The following CACNA1C variants were observed in gnomAD, a reference collection of about 807,000 sequenced individuals.
CACNA1C encodes voltage-dependent L-type calcium channel subunit alpha-1C.
Under a neutral mutation model 229.0 loss-of-function variants are expected in CACNA1C, and 30 were observed. That is an observed-to-expected ratio of 0.13 (90% CI 0.10 to 0.18). CACNA1C has a LOEUF of 0.18. Among genes scored for constraint, CACNA1C ranks in the 10% least tolerant of loss-of-function variants. CACNA1C has a pLI of 1.00. For missense variants in CACNA1C, 1,658 were observed against 2,845.0 expected (o/e 0.58, Z 9.49); for synonymous variants, 1,114 against 1,132.5 (o/e 0.98, Z 0.33).
intron 3 of CACNA1C, among the ~76,000 whole-genome samples, chr12:2,232,916 C>G (rs538602546): frequency 1.3e-5 from 2 of 152,260 alleles, no homozygotes; most frequent in African/African-American, 4.8e-5. Flanking sequence ...GGCTTCTGTG[C>G]CTCTTGACAT....
rs1051903309 is a variant in CACNA1C, at chr12:2,285,780, C to T, written c.478-163196C>T. 6.6e-6 allele frequency among the ~76,000 whole-genome samples: 1 copy of T among 152,156 alleles called. No homozygotes were observed. Among genetic ancestry groups the T allele is most frequent in the Non-Finnish European group, 1.5e-5 (1 of 68,036 alleles). On this transcript the variant is annotated intron_variant, in intron 3 of 46. Transcript: ENST00000399655. This position sits in a 1 kb window ranked among gnomAD's most constrained non-coding sequence, Gnocchi z 4.2. The stretch of plus-strand genomic sequence containing the variant: ...TTCGAGAGAGGCTGGTGCGCACCTA[C>T]CCAGCGGCTTTTTGGGCGGCAGTGG...
At chr12:2,083,407 C>T (rs569653979) in intron 1 of CACNA1C, among the ~76,000 whole-genome samples, 4 of 152,312 alleles carry the variant, frequency 2.6e-5, no homozygotes, top group East Asian at 1.9e-4. Flanking sequence ...AAGAGCATTT[C>T]GACTCTCCCA....
chr12:2,558,351 A>T (rs13377723), intron 11 of CACNA1C, among the ~76,000 whole-genome samples: 3 of 141,204 alleles, frequency 2.1e-5, no homozygotes, highest in Non-Finnish European at 3.2e-5. Context: ...GCTGGAGTCC[A>T]TGCCCTTAGG....
intron 1 of CACNA1C, among the ~76,000 whole-genome samples, chr12:2,021,011 G>A (rs370533354): frequency 1.4e-3 from 220 of 152,292 alleles, no homozygotes; most frequent in Non-Finnish European, 2.9e-3. Flanking sequence ...TCCAGGGTAA[G>A]TAGGAAAATA....
At chr12:2,513,616 G>C (rs1399789095) in intron 9 of CACNA1C, among the ~76,000 whole-genome samples, 1 of 152,194 alleles carries the variant, frequency 6.6e-6, no homozygotes, top group African/African-American at 2.4e-5. Context: ...ATAGGCTGTG[G>C]CTGAGATAGA....
intron 43 of CACNA1C, 114 bp downstream of exon 43, chr12:2,682,792 T>C: frequency 1.0e-6 from 1 of 998,166 alleles, no homozygotes; most frequent in South Asian, 1.7e-5. Flanking sequence ...GGAGAGGAGA[T>C]CACAGAGAAA....
chr12:2,480,605 A>G (rs148226869), intron 5 of CACNA1C, among the ~76,000 whole-genome samples: 62 of 152,290 alleles, frequency 4.1e-4, no homozygotes, highest in African/African-American at 1.4e-3. Flanking sequence ...AAATGAAGGT[A>G]TTGGGTTAGG....
chr12:2,615,993 C>T (rs1419891380), intron 29 of CACNA1C, among the ~76,000 whole-genome samples: 2 of 152,208 alleles, frequency 1.3e-5, no homozygotes, highest in African/African-American at 2.4e-5. Context: ...AGCTGAGACT[C>T]ACCTCTGCCC....
chr12:1,987,716 C>G (rs1261637245), intron 1 of CACNA1C, among the ~76,000 whole-genome samples: 1 of 152,214 alleles, frequency 6.6e-6, no homozygotes, highest in Non-Finnish European at 1.5e-5. Flanking sequence ...AATTCACACA[C>G]AGATACACAC....
chr12:2,430,081 G>A (rs1203475813), intron 3 of CACNA1C, among the ~76,000 whole-genome samples: 1 of 152,168 alleles, frequency 6.6e-6, no homozygotes, highest in East Asian at 1.9e-4. Flanking sequence ...TTCGTGGATG[G>A]CTGTATTTTT....
chr12:2,595,318 T>A lies in CACNA1C; in HGVS notation c.2664-556T>A, dbSNP rs1441964620. ...TTCCTACATTGCTGTCAAGATGAGATGGTGTACAAGACACTTTGGCATTTA... is the reference window on the plus strand; with the variant it reads ...TTCCTACATTGCTGTCAAGATGAGAAGGTGTACAAGACACTTTGGCATTTA... On this transcript the variant is annotated intron_variant, in intron 19 of 46. Coordinates refer to ENST00000399655, the MANE Select transcript of CACNA1C (RefSeq NM_000719.7). The surrounding 1 kb of genome is among the most constrained non-coding windows in gnomAD (Gnocchi z 4.1). Among the ~76,000 whole-genome samples the A allele has an allele frequency of 6.6e-6, 1 of 152,200 alleles. No individual in the cohort carries two copies. Among genetic ancestry groups the A allele is most frequent in the Non-Finnish European group, 1.5e-5 (1 of 68,036 alleles).
Position 2,661,466 on chromosome 12 carries a change from T to TA in CACNA1C, c.4233-3350dup, listed in dbSNP as rs201145324. Among the ~76,000 whole-genome samples the TA allele has an allele frequency of 1.2e-3, 181 of 151,020 alleles. 1 individual carries two copies. The highest frequency in any genetic ancestry group is 1.8e-3 in the Non-Finnish European group (120 of 67,684). On this transcript the variant is annotated intron_variant, in intron 34 of 46. Coordinates refer to ENST00000399655, the MANE Select transcript of CACNA1C (RefSeq NM_000719.7). ...AGAATTATAAAATTATCTTAAGAATTAAAAAAAAACAACTACAACAGAAAT... is the reference window on the plus strand; with the variant it reads ...AGAATTATAAAATTATCTTAAGAATTAAAAAAAAAACAACTACAACAGAAAT...
In CACNA1C at chr12:2,601,057, T is replaced by C. The variant is rs215987; in HGVS notation, c.2854-797T>C. Among the ~76,000 whole-genome samples the C allele has an allele frequency of 0.32, 47,981 of 152,154 alleles. 8,961 individuals carry two copies. Among genetic ancestry groups the C allele is most frequent in the African/African-American group, 0.51 (21,355 of 41,488 alleles). On this transcript the variant is annotated intron_variant, in intron 21 of 46. Transcript: ENST00000399655. The surrounding 1 kb of genome is among the most constrained non-coding windows in gnomAD (Gnocchi z 5.9). ...AGGTCTGGGATTCCAGCCCAGGCCG[T>C]CTGGCCTCAGAGCCTGTGCTCTTAG... is the stretch of plus-strand genomic sequence containing the variant.
At chr12:2,686,439 G>A (rs906056215) in intron 45 of CACNA1C, among the ~76,000 whole-genome samples, 170 bp downstream of exon 45, 2 of 152,234 alleles carry the variant, frequency 1.3e-5, no homozygotes, top group Non-Finnish European at 2.9e-5. Context: ...TCCTGTGCAG[G>A]TGAGGGCCAC....
At chr12:2,473,223 T>G (rs2099602324) in intron 5 of CACNA1C, among the ~76,000 whole-genome samples, 1 of 152,162 alleles carries the variant, frequency 6.6e-6, no homozygotes, top group Non-Finnish European at 1.5e-5. Flanking sequence ...TGGTTTCACC[T>G]TGTACCTGTA....
chr12:2,273,877 A>G (rs1203536477), intron 3 of CACNA1C, among the ~76,000 whole-genome samples: 1 of 152,188 alleles, frequency 6.6e-6, no homozygotes, highest in Non-Finnish European at 1.5e-5. Flanking sequence ...AAATGCCTGG[A>G]CAGCACGTGT....
At chr12:2,420,293 G>A (rs1250993145) in intron 3 of CACNA1C, among the ~76,000 whole-genome samples, 1 of 152,112 alleles carries the variant, frequency 6.6e-6, no homozygotes, top group Non-Finnish European at 1.5e-5. Context: ...AGCTGCCACT[G>A]TTAATTCATA....
intron 5 of CACNA1C, among the ~76,000 whole-genome samples, chr12:2,484,947 T>A (rs1404181869): frequency 1.3e-5 from 2 of 150,308 alleles, no homozygotes; most frequent in African/African-American, 4.9e-5. Flanking sequence ...GCTTAATAGC[T>A]GGGAAGAATC....
intron 3 of CACNA1C, among the ~76,000 whole-genome samples, chr12:2,437,927 G>C (rs1002493504): frequency 6.6e-6 from 1 of 150,396 alleles, no homozygotes; most frequent in African/African-American, 2.4e-5. Context: ...GATGGTAGTG[G>C]TGGTGGCAGT....
Sources: gnomAD v4.1 joint callset for allele counts (sites outside exome capture counted in the v4.1 genomes callset) on GRCh38, gnomAD v4.1.1 for gene constraint, Gnocchi (gnomAD v3.1) non-coding constraint, MANE v1.5 for transcripts, NCBI Gene and HGNC (gene_info 2026-07-23, HGNC 2026-07-21) for gene names.